Variants in TNRC6B observed in about 807,000 individuals in gnomAD.
TNRC6B encodes the protein trinucleotide repeat containing adaptor 6B.
Under a neutral mutation model 203.6 loss-of-function variants are expected in TNRC6B, and 52 were observed. The observed-to-expected ratio is 0.26, with a 90% CI of 0.20 to 0.32. TNRC6B has a LOEUF of 0.32. TNRC6B is among the 10% of genes least tolerant of loss of function. The pLI, the probability that TNRC6B is intolerant of heterozygous loss-of-function variation, is 1.00. For synonymous variants in TNRC6B, 838 were observed against 845.7 expected (o/e 0.99, Z 0.16); for missense variants, 1,923 against 2,286.2 (o/e 0.84, Z 3.24).
chr22:40,180,438 A>C (rs891898027), intron 1 of TNRC6B, among the ~76,000 whole-genome samples: 1 of 152,240 alleles, frequency 6.6e-6, no homozygotes, highest in Non-Finnish European at 1.5e-5. Flanking sequence ...AGAATGATAC[A>C]ATGAATGCCA....
chr22:40,293,569 T>C lies in TNRC6B; in HGVS notation c.3709-6886T>C, dbSNP rs570127577. Among the ~76,000 whole-genome samples the C allele has an allele frequency of 2.1e-5, 3 of 143,132 alleles. No individual in the cohort carries two copies. The South Asian group carries it at 6.9e-4, about 33-fold the overall frequency. 93.9% of individuals were successfully genotyped at this position (143,132 alleles called of 152,430 possible). A position where few individuals can be genotyped will look rare whatever the true frequency, so the allele number is the denominator to read the frequency against. On this transcript the variant is annotated intron_variant, in intron 12 of 22. Transcript: ENST00000454349. ...GCTGGGTCACGGGCAGGTTTTACTTTGGTGGTTTCTTTAGCTAATTTTGAG... is the reference window on the plus strand; with the variant it reads ...GCTGGGTCACGGGCAGGTTTTACTTCGGTGGTTTCTTTAGCTAATTTTGAG...
At chr22:40,052,924 A>G (rs545142029) in intron 1 of TNRC6B, among the ~76,000 whole-genome samples, 1 of 152,286 alleles carries the variant, frequency 6.6e-6, no homozygotes, top group East Asian at 1.9e-4. Flanking sequence ...TTTATGTGCT[A>G]TGCTTTGTCT....
intron 12 of TNRC6B, among the ~76,000 whole-genome samples, chr22:40,298,460 A>G (rs1392751560): frequency 6.6e-6 from 1 of 152,236 alleles, no homozygotes; most frequent in African/African-American, 2.4e-5. Flanking sequence ...GATGAGATGC[A>G]AGGGAACTGT....
intron 8 of TNRC6B, among the ~76,000 whole-genome samples, chr22:40,277,556 C>G (rs2070661685): frequency 6.6e-6 from 1 of 152,194 alleles, no homozygotes; most frequent in South Asian, 2.1e-4. Flanking sequence ...ATTTCTTTAT[C>G]TCTCGGCAAC....
intron 1 of TNRC6B, among the ~76,000 whole-genome samples, chr22:40,066,246 T>A (rs541261038): frequency 2.6e-5 from 4 of 152,186 alleles, no homozygotes; most frequent in African/African-American, 9.7e-5. Flanking sequence ...CACTGTCCCA[T>A]GCTGCCTGTG....
Position 40,266,346 on chromosome 22 carries a change from T to C in TNRC6B, c.2116T>C (p.Ser706Pro), listed in dbSNP as rs1277476173. The C allele has an allele frequency of 1.2e-6, 2 of 1,608,796 alleles. No homozygotes were observed. Among genetic ancestry groups the C allele is most frequent in the Non-Finnish European group, 1.7e-6 (2 of 1,177,488 alleles). The change falls in exon 5 of 23, where the codon TCT becomes CCT. Residue 706 changes from serine to proline, a missense_variant. Physicochemically the swap from Ser to Pro is moderately conservative, Grantham distance 74 (BLOSUM62 -1). This residue lies in a region of TNRC6B where 599 missense variants were observed against 656.5 expected (regional missense o/e 0.91). Transcript: ENST00000454349. ...CTGGAATGACTACAAGAACAACAACTCTTCCAACTGGGGAGGAGGACGACC... is the reference window on the plus strand; with the variant it reads ...CTGGAATGACTACAAGAACAACAACCCTTCCAACTGGGGAGGAGGACGACC... ...GGWNDYKNNN[S>P]SNWGGGRPDE...
chr22:40,115,876 G>A (rs2068382707), intron 1 of TNRC6B, among the ~76,000 whole-genome samples: 1 of 152,138 alleles, frequency 6.6e-6, no homozygotes, highest in Non-Finnish European at 1.5e-5. Context: ...TTTAGGTGGC[G>A]AGATACCCAG....
chr22:40,054,090 G>T (rs2067772849), intron 1 of TNRC6B, among the ~76,000 whole-genome samples: 1 of 152,148 alleles, frequency 6.6e-6, no homozygotes, highest in Non-Finnish European at 1.5e-5. Context: ...GGTGGTGCCT[G>T]CCTGTAGTCC....
At chr22:40,199,744 G>C (rs1195341707) in intron 1 of TNRC6B, among the ~76,000 whole-genome samples, 1 of 151,066 alleles carries the variant, frequency 6.6e-6, no homozygotes, top group African/African-American at 2.4e-5. Flanking sequence ...TTAATGTTCT[G>C]ATTTTGATGG....
intron 18 of TNRC6B, 82 bp downstream of exon 18, chr22:40,312,733 G>A (rs904662653): frequency 2.6e-6 from 4 of 1,536,304 alleles, no homozygotes; most frequent in African/African-American, 2.8e-5. Flanking sequence ...TGTACTTGCT[G>A]GTACCTAAAA....
At chr22:40,238,506 C>G (rs967788535) in intron 1 of TNRC6B, among the ~76,000 whole-genome samples, 3 of 152,218 alleles carry the variant, frequency 2.0e-5, no homozygotes, top group South Asian at 2.1e-4. Context: ...TGGTCTCATC[C>G]CTGCCACCTT....
In TNRC6B at chr22:40,324,452, G is replaced by A. The variant is rs2071378388; in HGVS notation, c.*1211G>A. ...TTGTTCCCTCTTTCCTTATGATCAGGTTTGAGAAATTCTTCAAAAAATTAG... is the reference window on the plus strand; with the variant it reads ...TTGTTCCCTCTTTCCTTATGATCAGATTTGAGAAATTCTTCAAAAAATTAG... On this transcript the variant is annotated 3_prime_UTR_variant, in exon 23 of 23. Coordinates refer to ENST00000454349, the MANE Select transcript of TNRC6B (RefSeq NM_001162501.2). 6.6e-6 allele frequency: 1 copy of A among 152,552 alleles called. No individual in the cohort carries two copies. Among genetic ancestry groups the A allele is most frequent in the Non-Finnish European group, 1.5e-5 (1 of 68,020 alleles). 9.4% of individuals were successfully genotyped at this position (152,552 alleles called of 1,614,324 possible).
rs1403402637 is a variant in TNRC6B at position 40,324,053 on chromosome 22, CTA to C, written c.*814_*815del. ...TCTGCTTTTTATTTTATTTTTTTAA[CTA>C]TGAGAACACACAGGCCCGGAGAGCC... On this transcript the variant is annotated 3_prime_UTR_variant, in exon 23 of 23. Transcript: ENST00000454349. 2 of 152,542 alleles carry C rather than the reference CTA, an allele frequency of 1.3e-5. No individual in the cohort carries two copies. The highest frequency in any genetic ancestry group is 1.3e-4 in the Admixed American group (2 of 15,282). 9.4% of individuals were successfully genotyped at this position (152,542 alleles called of 1,614,324 possible). A position where few individuals can be genotyped will look rare whatever the true frequency, so the allele number is the denominator to read the frequency against.
chr22:40,247,756 T>A (rs746818304), intron 2 of TNRC6B, among the ~76,000 whole-genome samples: 21 of 152,094 alleles, frequency 1.4e-4, no homozygotes, highest in Non-Finnish European at 2.9e-4. Flanking sequence ...CCTAAAATTC[T>A]GGAGTGAAAA....
Position 40,077,953 on chromosome 22 carries a change from G to T in TNRC6B, c.-121+32955G>T, listed in dbSNP as rs141049910. Among the ~76,000 whole-genome samples the T allele has an allele frequency of 4.6e-3, 702 of 152,294 alleles. 10 individuals are homozygous for T. Among genetic ancestry groups the T allele is most frequent in the Non-Finnish European group, 7.0e-3 (476 of 68,022 alleles). ...AGGTACTTAATTTCTCATACTGGTTGTAGCTTATTTTCAGTTTTTGATTAG... is the reference window on the plus strand; with the variant it reads ...AGGTACTTAATTTCTCATACTGGTTTTAGCTTATTTTCAGTTTTTGATTAG... On this transcript the variant is annotated intron_variant, in intron 1 of 23. Transcript: ENST00000301923.
chr22:40,090,460 G>A (rs899669413), intron 1 of TNRC6B, among the ~76,000 whole-genome samples: 1 of 150,172 alleles, frequency 6.7e-6, no homozygotes, highest in Non-Finnish European at 1.5e-5. Flanking sequence ...GTATCTTTTC[G>A]TATCCTTATT....
At chr22:40,278,141 G>A (rs1159434477) in intron 9 of TNRC6B, 97 bp downstream of exon 9, 1 of 933,556 alleles carries the variant, frequency 1.1e-6, no homozygotes, top group South Asian at 1.4e-5. Flanking sequence ...GTGCAGTTCA[G>A]TAGACATTGA....
chr22:40,194,200 TGGGAATTTACATCTTGGAA>T (rs1261985237), intron 1 of TNRC6B, among the ~76,000 whole-genome samples: 1 of 152,092 alleles, frequency 6.6e-6, no homozygotes, highest in Non-Finnish European at 1.5e-5. Flanking sequence ...TTGGAGGAGG[TGGGAATTTACATCTTGGAA>T]GGGCTTAAGA....
chr22:40,160,667 C>T (rs2068864362), intron 4 of TNRC6B, among the ~76,000 whole-genome samples: 1 of 152,124 alleles, frequency 6.6e-6, no homozygotes, highest in Non-Finnish European at 1.5e-5. Flanking sequence ...AGGGCACCAG[C>T]AATCTTCCAC....
Sources: allele counts gnomAD v4.1 joint callset (sites outside exome capture counted in the v4.1 genomes callset), GRCh38; gene constraint gnomAD v4.1.1; regional missense constraint gnomAD v4.1.1; transcripts MANE v1.5; gene names NCBI Gene and HGNC (gene_info 2026-07-23, HGNC 2026-07-21).